Variants in EYS observed in about 807,000 individuals in gnomAD.
The protein encoded by EYS is EGF-like photoreceptor maintenance factor, also known as protein eyes shut homolog.
In EYS, 250 loss-of-function variants were observed where a neutral mutation model predicts 282.1. The ratio of observed to expected loss-of-function variants is 0.89; its 90% CI spans 0.80 to 0.98. The LOEUF is 0.98. EYS is among the 50% of genes least tolerant of loss of function. The probability of loss-of-function intolerance (pLI) is 0.00; values close to 1 mark genes in which losing one functional copy is unlikely to be tolerated. For synonymous variants in EYS, 1,355 were observed against 1,282.9 expected (o/e 1.06, Z -1.20); for missense variants, 4,016 against 3,709.0 (o/e 1.08, Z -2.15).
chr6:63,795,027 C>T (rs115203653), intron 37 of EYS, among the ~76,000 whole-genome samples: 1 of 152,064 alleles, frequency 6.6e-6, no homozygotes. Context: ...AGTAGTTAAG[C>T]ATATCAAGAT....
At chr6:63,908,506 A>G (rs1160370105) in intron 35 of EYS, among the ~76,000 whole-genome samples, 1 of 151,994 alleles carries the variant, frequency 6.6e-6, no homozygotes, top group Non-Finnish European at 1.5e-5. Context: ...GCTGGAGTGC[A>G]GTGGTGCGAT....
At chr6:64,574,862 G>A (rs1765831177) in intron 26 of EYS, among the ~76,000 whole-genome samples, 1 of 151,988 alleles carries the variant, frequency 6.6e-6, no homozygotes, top group East Asian at 1.9e-4. Flanking sequence ...ATGCCTTCAG[G>A]TATAAATATT....
intron 26 of EYS, among the ~76,000 whole-genome samples, chr6:64,530,569 A>AT (rs977550262): frequency 4.6e-5 from 7 of 152,088 alleles, no homozygotes; most frequent in Admixed American, 6.6e-5. Flanking sequence ...ATAACATGAT[A>AT]TTACTGTGAG....
intron 22 of EYS, among the ~76,000 whole-genome samples, chr6:64,760,802 G>A (rs10498827): frequency 0.047 from 7,079 of 152,128 alleles, 225 homozygotes; most frequent in East Asian, 0.18. Flanking sequence ...TGGATGCTTC[G>A]GTGGGAACCC....
chr6:63,964,352 T>C (rs1228195392), intron 35 of EYS, among the ~76,000 whole-genome samples: 1 of 152,208 alleles, frequency 6.6e-6, no homozygotes, highest in African/African-American at 2.4e-5. Flanking sequence ...CATTTTGCTT[T>C]CAAGTATATG....
At chr6:64,410,419 T>C (rs1773850956) in intron 28 of EYS, among the ~76,000 whole-genome samples, 1 of 152,172 alleles carries the variant, frequency 6.6e-6, no homozygotes, top group East Asian at 1.9e-4. Flanking sequence ...CTATTGGGAA[T>C]CTTCATGTCC....
intron 22 of EYS, among the ~76,000 whole-genome samples, chr6:64,691,626 T>C (rs1387683347): frequency 1.3e-5 from 2 of 152,138 alleles, no homozygotes; most frequent in African/African-American, 4.8e-5. Flanking sequence ...TAGTACCCTA[T>C]AGGTCATTTT....
chr6:63,825,833 G>C (rs1263224737), intron 36 of EYS, among the ~76,000 whole-genome samples: 1 of 152,040 alleles, frequency 6.6e-6, no homozygotes, highest in African/African-American at 2.4e-5. Flanking sequence ...ACAAAACAAG[G>C]CTCATCAACA....
intron 22 of EYS, among the ~76,000 whole-genome samples, chr6:64,759,444 C>T (rs74473472): frequency 0.047 from 7,137 of 152,012 alleles, 223 homozygotes; most frequent in East Asian, 0.18. Flanking sequence ...GTAAATTTGC[C>T]TACTGTTCTA....
At chr6:64,029,667 A>G (rs1223151617) in intron 33 of EYS, among the ~76,000 whole-genome samples, 2 of 152,138 alleles carry the variant, frequency 1.3e-5, no homozygotes, top group African/African-American at 2.4e-5. Context: ...TAACCTATAT[A>G]CTGATGGAAG....
Position 65,068,965 on chromosome 6 carries a change from G to T in EYS, c.2024-11238C>A, listed in dbSNP as rs763767479. ...GCTAAAATACATCATCCTTTCAAGA[G>T]ATGATTTAAATTTTTACCTCACAGA... On this transcript the variant is annotated intron_variant, in intron 12 of 42. Transcript: ENST00000503581. 2.4e-4 allele frequency among the ~76,000 whole-genome samples: 37 copies of T among 151,916 alleles called. 1 individual carries two copies. Among genetic ancestry groups the T allele is most frequent in the Non-Finnish European group, 4.7e-4 (32 of 67,928 alleles).
chr6:65,510,125 C>T (rs918486495), intron 2 of EYS, among the ~76,000 whole-genome samples: 3 of 150,302 alleles, frequency 2.0e-5, no homozygotes, highest in African/African-American at 7.3e-5. Flanking sequence ...CACCCACTAA[C>T]TCGTCATCTA....
At chr6:65,380,109 G>C (rs1765553870) in intron 8 of EYS, among the ~76,000 whole-genome samples, 1 of 151,464 alleles carries the variant, frequency 6.6e-6, no homozygotes, top group Admixed American at 6.6e-5. Flanking sequence ...CACAGAACTA[G>C]AAAAAAATAC....
Position 65,443,372 on chromosome 6 carries a change from A to G in EYS, c.863-38005T>C, listed in dbSNP as rs187261011. 5.6e-3 allele frequency among the ~76,000 whole-genome samples: 791 copies of G among 141,684 alleles called. 116 individuals are homozygous for G. Among genetic ancestry groups the G allele is most frequent in the Middle Eastern group, 0.012 (3 of 252 alleles). The allele number at this position is 141,684 out of a possible 152,430, so 93.0% of individuals were successfully genotyped here. ...TAGACATATATGCATACATGTATGT[A>G]CACATATAGACATATATGCATACAT... On this transcript the variant is annotated intron_variant, in intron 5 of 42. Coordinates refer to ENST00000503581, the MANE Select transcript of EYS (RefSeq NM_001142800.2).
chr6:64,230,885 G>T, intron 30 of EYS, 61 bp from the exon 31 acceptor site: 2 of 976,262 alleles, frequency 2.0e-6, no homozygotes, highest in Non-Finnish European at 3.0e-6. Context: ...AACATAAATA[G>T]AAATAATAGA....
At chr6:63,823,820 T>C (rs1458417838) in intron 36 of EYS, among the ~76,000 whole-genome samples, 1 of 152,206 alleles carries the variant, frequency 6.6e-6, no homozygotes, top group African/African-American at 2.4e-5. Context: ...TTTTCAATGA[T>C]TCCCCTTTCC....
chr6:64,563,683 T>C (rs1462582851), intron 26 of EYS, among the ~76,000 whole-genome samples: 1 of 152,060 alleles, frequency 6.6e-6, no homozygotes, highest in Non-Finnish European at 1.5e-5. Context: ...GCTACCATAC[T>C]TGGGAATAAA....
intron 7 of EYS, among the ~76,000 whole-genome samples, chr6:65,392,256 C>T (rs1480986237): frequency 4.0e-5 from 6 of 151,660 alleles, no homozygotes; most frequent in Non-Finnish European, 8.8e-5. Context: ...AGGACATAGG[C>T]ATGGGCAAGG....
At chr6:63,723,756 T>C (rs978115718) in intron 42 of EYS, among the ~76,000 whole-genome samples, 5 of 151,050 alleles carry the variant, frequency 3.3e-5, no homozygotes, top group African/African-American at 1.2e-4. Flanking sequence ...TAGGATATGA[T>C]GCTCTAGTTA....
Sources: allele counts gnomAD v4.1 joint callset (sites outside exome capture counted in the v4.1 genomes callset), GRCh38; gene constraint gnomAD v4.1.1; transcripts MANE v1.5; gene names NCBI Gene and HGNC (gene_info 2026-07-23, HGNC 2026-07-21).